The following CSNK1G1 variants were observed in gnomAD, a reference collection of about 807,000 sequenced individuals.
CSNK1G1 encodes the protein casein kinase I isoform gamma-1.
A neutral mutation model predicts 59.6 loss-of-function variants in CSNK1G1; 22 were observed. That is an observed-to-expected ratio of 0.37 (90% confidence interval 0.26 to 0.53). The LOEUF is 0.53. Ranked by LOEUF, CSNK1G1 falls within the 20% of genes least tolerant of loss-of-function variation. The probability of loss-of-function intolerance (pLI) is 0.89; values close to 1 mark genes in which losing one functional copy is unlikely to be tolerated. For synonymous variants in CSNK1G1, 179 were observed against 177.1 expected, an observed-to-expected ratio of 1.01 and a Z score of -0.08; for missense variants, 384 against 519.5, an observed-to-expected ratio of 0.74 and a Z score of 2.54.
At chr15:64,187,649 A>C (rs959448502) in intron 10 of CSNK1G1, among the ~76,000 whole-genome samples, 2 of 152,196 alleles carry the variant, frequency 1.3e-5, no homozygotes, top group African/African-American at 4.8e-5. Flanking sequence ...TACATGTACA[A>C]ACCTGTCTGC....
At chr15:64,189,549 T>A in intron 10 of CSNK1G1, 4 of 1,016,814 alleles carry the variant, frequency 3.9e-6, no homozygotes, top group Non-Finnish European at 5.1e-6. Context: ...TTTTAATTGC[T>A]GCTGATATAA....
intron 10 of CSNK1G1, among the ~76,000 whole-genome samples, chr15:64,195,252 AG>A (rs1043459321): frequency 2.6e-5 from 4 of 152,224 alleles, no homozygotes; most frequent in Non-Finnish European, 4.4e-5. Context: ...ACCATTTAAA[AG>A]CTTTTAATAG....
At chr15:64,325,870 C>CA (rs944479663) in intron 1 of CSNK1G1, among the ~76,000 whole-genome samples, 6 of 152,214 alleles carry the variant, frequency 3.9e-5, no homozygotes, top group Admixed American at 1.3e-4. Context: ...GACAGAGAGA[C>CA]AGAGAGTTAG....
chr15:64,281,799 C>T (rs1402996902), intron 2 of CSNK1G1, among the ~76,000 whole-genome samples: 1 of 142,012 alleles, frequency 7.0e-6, no homozygotes, highest in Non-Finnish European at 1.5e-5. Flanking sequence ...GAGACTGTGC[C>T]GAGAAAAAAA....
chr15:64,270,910 T>C (rs567651110), intron 2 of CSNK1G1, among the ~76,000 whole-genome samples: 8 of 152,332 alleles, frequency 5.3e-5, no homozygotes, highest in African/African-American at 1.7e-4. Flanking sequence ...TTAATTTCCA[T>C]GTAACTGCAT....
At chr15:64,207,865 C>T (rs1349879995) in intron 6 of CSNK1G1, among the ~76,000 whole-genome samples, 1 of 150,310 alleles carries the variant, frequency 6.7e-6, no homozygotes, top group African/African-American at 2.5e-5. Flanking sequence ...AGTGAATTTC[C>T]ACCCCTCACT....
intron 1 of CSNK1G1, among the ~76,000 whole-genome samples, chr15:64,325,136 CT>C (rs778591174): frequency 6.6e-6 from 1 of 152,134 alleles, no homozygotes; most frequent in Non-Finnish European, 1.5e-5. Context: ...GTAGTGGACA[CT>C]TTTTCCTATA....
intron 1 of CSNK1G1, among the ~76,000 whole-genome samples, chr15:64,331,749 C>T (rs1306525833): frequency 1.4e-5 from 2 of 147,182 alleles, no homozygotes; most frequent in African/African-American, 2.5e-5. Flanking sequence ...CAACCTACAA[C>T]ATGGGAGAAA....
At chr15:64,281,373 G>A (rs1184662855) in intron 2 of CSNK1G1, among the ~76,000 whole-genome samples, 1 of 152,138 alleles carries the variant, frequency 6.6e-6, no homozygotes, top group African/African-American at 2.4e-5. Context: ...GGAAGGGCGA[G>A]GCAGGAAGAT....
rs1218464855 is a variant in CSNK1G1 at position 64,175,713 on chromosome 15, C to T, written c.1215-3728G>A. 2.6e-5 allele frequency among the ~76,000 whole-genome samples: 4 copies of T among 152,130 alleles called. No homozygotes were observed. In the East Asian group the frequency reaches 7.7e-4, roughly 29 times the overall value. On this transcript the variant is annotated intron_variant, in intron 11 of 11. Coordinates refer to ENST00000303052, the MANE Select transcript of CSNK1G1 (RefSeq NM_022048.5). ...AAAACAACTCTCAAAACAACAACAA[C>T]AAAACATCCACCTCTCCCTGAAGGA...
rs912340399 is a variant in CSNK1G1 at position 64,176,872 on chromosome 15, C to G, written c.1214+3476G>C. The stretch of plus-strand genomic sequence containing the variant: ...AATCAGAGGAAGGAGGGTCACTGCT[C>G]TGTATTAAGGTATAACTACCAGAGA... On this transcript the variant is annotated intron_variant, in intron 11 of 11. Transcript: ENST00000303052. The surrounding 1 kb of genome is among the most constrained non-coding windows in gnomAD (Gnocchi z 5.2). Among the ~76,000 whole-genome samples the G allele has an allele frequency of 4.6e-5, 7 of 152,154 alleles. No individual in the cohort carries two copies. Among genetic ancestry groups the G allele is most frequent in the Admixed American group, 6.5e-5 (1 of 15,278 alleles).
intron 10 of CSNK1G1, chr15:64,181,524 T>A (rs1216451295): frequency 1.7e-6 from 2 of 1,180,028 alleles, no homozygotes; most frequent in Admixed American, 2.9e-5. Flanking sequence ...TTGTTTCTTA[T>A]AGGTTGATGA....
At chr15:64,189,302 T>C (rs1274466564) in intron 10 of CSNK1G1, 5 of 1,027,206 alleles carry the variant, frequency 4.9e-6, no homozygotes, top group Non-Finnish European at 5.9e-6. Flanking sequence ...CTTTGGATTC[T>C]GCTTTCACCT....
chr15:64,172,445 CATG>C (rs1172058974), intron 11 of CSNK1G1, among the ~76,000 whole-genome samples: 1 of 152,172 alleles, frequency 6.6e-6, no homozygotes, highest in African/African-American at 2.4e-5. Context: ...AAACAAATCC[CATG>C]ATAAGTATGA....
Position 64,352,450 on chromosome 15 carries a change from T to C in CSNK1G1, c.-225+3538A>G, listed in dbSNP as rs796586186. Among the ~76,000 whole-genome samples the C allele has an allele frequency of 4.4e-4, 53 of 119,346 alleles. 1 individual carries two copies. Among genetic ancestry groups the C allele is most frequent in the Non-Finnish European group, 8.8e-4 (46 of 52,006 alleles). 78.3% of individuals were successfully genotyped at this position (119,346 alleles called of 152,430 possible). A position where few individuals can be genotyped will look rare whatever the true frequency, so the allele number is the denominator to read the frequency against. On this transcript the variant is annotated intron_variant, in intron 1 of 11. Transcript: ENST00000303052. ...ACAAAACATAATTTGAATTCTTCTT[T>C]TTTTTTTTTTTTTTTTGAGATGGAG...
At chr15:64,317,690 G>A (rs1331502883) in intron 1 of CSNK1G1, among the ~76,000 whole-genome samples, 1 of 151,970 alleles carries the variant, frequency 6.6e-6, no homozygotes, top group Non-Finnish European at 1.5e-5. Flanking sequence ...CAGAAACGTG[G>A]TCTCACTATG....
At chr15:64,343,330 C>G (rs1566954865) in intron 1 of CSNK1G1, among the ~76,000 whole-genome samples, 1 of 152,158 alleles carries the variant, frequency 6.6e-6, no homozygotes, top group African/African-American at 2.4e-5. Flanking sequence ...AATCTTTTCA[C>G]AGACTGTGGC....
intron 2 of CSNK1G1, among the ~76,000 whole-genome samples, chr15:64,276,091 T>G (rs572116160): frequency 6.6e-6 from 1 of 151,802 alleles, no homozygotes; most frequent in African/African-American, 2.4e-5. Context: ...CTACGTGGAG[T>G]GAGGTAAAAG....
intron 4 of CSNK1G1, among the ~76,000 whole-genome samples, chr15:64,248,423 T>A (rs1018354960): frequency 6.6e-6 from 1 of 152,186 alleles, no homozygotes; most frequent in African/African-American, 2.4e-5. Flanking sequence ...TCTTTCTAAC[T>A]TCTTTCTGCC....
Sources: allele counts gnomAD v4.1 joint callset (sites outside exome capture counted in the v4.1 genomes callset), GRCh38; gene constraint gnomAD v4.1.1; non-coding constraint Gnocchi (gnomAD v3.1); transcripts MANE v1.5; gene names NCBI Gene and HGNC (gene_info 2026-07-23, HGNC 2026-07-21).